CDKAL1: variants seen among roughly 807,000 people sequenced by gnomAD.
The protein encoded by CDKAL1 is threonylcarbamoyladenosine tRNA methylthiotransferase.
Under a neutral mutation model 68.2 loss-of-function variants are expected in CDKAL1, and 32 were observed. That is an observed-to-expected ratio of 0.47 (90% CI 0.35 to 0.63). The LOEUF (loss-of-function observed/expected upper bound fraction) is 0.63. Among genes scored for constraint, CDKAL1 ranks in the 30% least tolerant of loss-of-function variants. CDKAL1 has a pLI of 0.00. For synonymous variants in CDKAL1, 234 were observed against 244.3 expected (o/e 0.96, Z 0.39); for missense variants, 606 against 696.7 (o/e 0.87, Z 1.47).
chr6:21,003,371 T>TATATATATAC lies in CDKAL1; in HGVS notation c.1055+3000_1055+3001insTATATATACA. On this transcript the variant is annotated intron_variant, in intron 11 of 15. Coordinates refer to ENST00000274695, the MANE Select transcript of CDKAL1 (RefSeq NM_017774.3). The stretch of plus-strand genomic sequence containing the variant: ...ATATATATATATATATATATATATA[T>TATATATATAC]ACACACACACACACACACATATATA... Among the ~76,000 whole-genome samples, 92 of 49,284 alleles carry TATATATATAC rather than the reference T, an allele frequency of 1.9e-3. 2 individuals are homozygous for TATATATATAC. Among genetic ancestry groups the TATATATATAC allele is most frequent in the African/African-American group, 4.5e-3 (41 of 9,162 alleles). The allele number at this position is 49,284 out of a possible 152,430, so 32.3% of individuals were successfully genotyped here.
intron 9 of CDKAL1, among the ~76,000 whole-genome samples, chr6:20,918,549 T>A (rs941197177): frequency 2.6e-5 from 4 of 152,202 alleles, no homozygotes; most frequent in Non-Finnish European, 5.9e-5. Flanking sequence ...TTCTTGTACA[T>A]CACAAAAAGC....
intron 8 of CDKAL1, among the ~76,000 whole-genome samples, chr6:20,798,153 A>G (rs923964492): frequency 1.8e-4 from 27 of 152,064 alleles, no homozygotes; most frequent in Admixed American, 3.9e-4. Flanking sequence ...TCAAAAAGAA[A>G]AAACTATGGT....
chr6:20,544,527 C>T (rs1190439879), intron 2 of CDKAL1, among the ~76,000 whole-genome samples: 1 of 129,872 alleles, frequency 7.7e-6, no homozygotes, highest in Non-Finnish European at 1.5e-5. Context: ...ACCCAGGAGG[C>T]GGAGCTTGCA....
chr6:20,684,374 G>A (rs1231644741), intron 5 of CDKAL1, among the ~76,000 whole-genome samples: 4 of 152,166 alleles, frequency 2.6e-5, no homozygotes, highest in South Asian at 2.1e-4. Flanking sequence ...TCCAGGAGGC[G>A]GAGGTTGCAG....
chr6:20,768,323 T>G (rs1011078374), intron 7 of CDKAL1, among the ~76,000 whole-genome samples: 1 of 152,200 alleles, frequency 6.6e-6, no homozygotes, highest in Non-Finnish European at 1.5e-5. Flanking sequence ...CTGAAATTCT[T>G]GAAGTGCATG....
chr6:20,697,161 T>A (rs1771143322), intron 5 of CDKAL1, among the ~76,000 whole-genome samples: 1 of 152,278 alleles, frequency 6.6e-6, no homozygotes, highest in African/African-American at 2.4e-5. Flanking sequence ...ATGCAAAAAC[T>A]AGTGTGAAGA....
intron 4 of CDKAL1, among the ~76,000 whole-genome samples, chr6:20,597,124 A>ATTTATT (rs1445696104): frequency 2.6e-5 from 4 of 151,700 alleles, no homozygotes; most frequent in African/African-American, 9.7e-5. Context: ...TTTATTTTTT[A>ATTTATT]TTTATTTTTA....
intron 11 of CDKAL1, among the ~76,000 whole-genome samples, chr6:21,039,066 G>A (rs944190032): frequency 3.3e-5 from 5 of 152,096 alleles, no homozygotes; most frequent in African/African-American, 1.2e-4. Flanking sequence ...CCCAGGACAC[G>A]GACTGATACC....
intron 5 of CDKAL1, among the ~76,000 whole-genome samples, chr6:20,713,058 A>G (rs905403002): frequency 2.0e-5 from 3 of 152,108 alleles, no homozygotes; most frequent in Non-Finnish European, 2.9e-5. Context: ...AAAAGCAATC[A>G]TTACTTACTT....
chr6:20,713,259 A>G (rs1771932703), intron 5 of CDKAL1, among the ~76,000 whole-genome samples: 1 of 152,232 alleles, frequency 6.6e-6, no homozygotes, highest in South Asian at 2.1e-4. Flanking sequence ...ATTAATTTAG[A>G]AAAGAGCTTA....
intron 4 of CDKAL1, among the ~76,000 whole-genome samples, chr6:20,614,712 T>C (rs1338641677): frequency 6.6e-6 from 1 of 152,200 alleles, no homozygotes; most frequent in Non-Finnish European, 1.5e-5. Context: ...TAACATGTCA[T>C]TTGCCTCTTA....
At chr6:21,111,197 T>G (rs899138095) in intron 13 of CDKAL1, among the ~76,000 whole-genome samples, 1 of 152,188 alleles carries the variant, frequency 6.6e-6, no homozygotes, top group Non-Finnish European at 1.5e-5. Context: ...ACGGTTTGCC[T>G]CTCTAGCTAT....
At chr6:20,699,637 T>C (rs1361810712) in intron 5 of CDKAL1, among the ~76,000 whole-genome samples, 2 of 152,254 alleles carry the variant, frequency 1.3e-5, no homozygotes, top group African/African-American at 4.8e-5. Context: ...CCAGGGCTGC[T>C]GATTTCTTAA....
intron 4 of CDKAL1, among the ~76,000 whole-genome samples, chr6:20,594,426 T>C (rs896683763): frequency 1.1e-4 from 16 of 152,350 alleles, no homozygotes; most frequent in African/African-American, 3.6e-4. Flanking sequence ...TTTACCATTA[T>C]GTAATGCCCT....
Position 20,649,283 on chromosome 6 carries a change from T to C in CDKAL1, c.287-10T>C. 6.3e-7 allele frequency: 1 copy of C among 1,597,114 alleles called. No homozygotes were observed. Among genetic ancestry groups the C allele is most frequent in the South Asian group, 1.1e-5 (1 of 88,824 alleles). On this transcript the variant is annotated splice_polypyrimidine_tract_variant and intron_variant, in intron 4 of 15. Coordinates refer to ENST00000274695, the MANE Select transcript of CDKAL1 (RefSeq NM_017774.3). ...TACTTACTTCTTTTTTGTGTTCATTTTTTTAATAGAAAATGCATCCGATGC... is the reference window on the plus strand; with the variant it reads ...TACTTACTTCTTTTTTGTGTTCATTCTTTTAATAGAAAATGCATCCGATGC...
intron 13 of CDKAL1, among the ~76,000 whole-genome samples, chr6:21,123,721 C>G (rs561432570): frequency 6.6e-6 from 1 of 152,180 alleles, no homozygotes; most frequent in African/African-American, 2.4e-5. Flanking sequence ...TATCACAGAC[C>G]TATTTTTGAT....
intron 9 of CDKAL1, among the ~76,000 whole-genome samples, chr6:20,880,346 C>T (rs1760747026): frequency 6.6e-6 from 1 of 152,120 alleles, no homozygotes; most frequent in Admixed American, 6.5e-5. Context: ...ACCTCCACCT[C>T]CTGGGTTCAA....
intron 5 of CDKAL1, among the ~76,000 whole-genome samples, chr6:20,704,813 T>C (rs1309700470): frequency 1.3e-5 from 2 of 152,194 alleles, no homozygotes; most frequent in South Asian, 4.1e-4. Context: ...TTCTAGATGG[T>C]ATAGTCCAGT....
At chr6:20,689,924 C>G (rs1429885037) in intron 5 of CDKAL1, among the ~76,000 whole-genome samples, 1 of 152,102 alleles carries the variant, frequency 6.6e-6, no homozygotes, top group East Asian at 1.9e-4. Context: ...GAATAGCTAA[C>G]TTTTTGAAAT....
Sources: allele counts gnomAD v4.1 joint callset (sites outside exome capture counted in the v4.1 genomes callset), GRCh38; gene constraint gnomAD v4.1.1; transcripts MANE v1.5; gene names NCBI Gene and HGNC (gene_info 2026-07-23, HGNC 2026-07-21).